HRH3: variants seen among roughly 807,000 people sequenced by gnomAD.
HRH3 encodes histamine H3 receptor.
Under a neutral mutation model 21.6 loss-of-function variants are expected in HRH3, and 13 were observed. That is an observed-to-expected ratio of 0.60 (90% CI 0.39 to 0.96). HRH3 has a LOEUF of 0.96. Ranked by LOEUF, HRH3 falls within the 40% of genes least tolerant of loss-of-function variation. HRH3 has a pLI of 0.00. For missense variants in HRH3, 461 were observed against 622.7 expected, an observed-to-expected ratio of 0.74 and a Z score of 2.76; for synonymous variants, 276 against 290.3, an observed-to-expected ratio of 0.95 and a Z score of 0.50.
Position 62,218,342 on chromosome 20 carries a change from C to T in HRH3, c.417+149G>A, listed in dbSNP as rs1978664434. 10 of 898,322 alleles carry T rather than the reference C, an allele frequency of 1.1e-5. No homozygotes were observed. Among genetic ancestry groups the T allele is most frequent in the African/African-American group, 1.7e-5 (1 of 59,688 alleles). 55.6% of individuals were successfully genotyped at this position (898,322 alleles called of 1,614,324 possible). On this transcript the variant is annotated intron_variant, in intron 2 of 2. Transcript: ENST00000340177. This position sits in a 1 kb window ranked among gnomAD's most constrained non-coding sequence, Gnocchi z 5.6. Reference sequence around the variant, plus strand: ...TGGCCCCGAGTGGGCAGCTGGCCGTCGAGTGGCCCATGTGTCAGCAGCAAA... The same window carrying T: ...TGGCCCCGAGTGGGCAGCTGGCCGTTGAGTGGCCCATGTGTCAGCAGCAAA...
rs76531044 is a variant in HRH3 at position 62,218,912 on chromosome 20, A to G, written c.251-255T>C. Among the ~76,000 whole-genome samples, 3,107 of 148,114 alleles carry G rather than the reference A, an allele frequency of 0.021. 128 individuals carry two copies. Among genetic ancestry groups the G allele is most frequent in the African/African-American group, 0.074 (2,982 of 40,092 alleles). On this transcript the variant is annotated intron_variant, in intron 1 of 2. Coordinates refer to ENST00000340177, the MANE Select transcript of HRH3 (RefSeq NM_007232.3). The surrounding 1 kb of genome is among the most constrained non-coding windows in gnomAD (Gnocchi z 5.6). Reference sequence around the variant, plus strand: ...AGGAGGGATGATCCAGGCATGGGGAACTCTGGCCACCACAAGACCCCCGAG... The same window carrying G: ...AGGAGGGATGATCCAGGCATGGGGAGCTCTGGCCACCACAAGACCCCCGAG...
Position 62,216,488 on chromosome 20 carries a change from C to A in HRH3, c.856G>T (p.Ala286Ser). 1 of 1,570,172 alleles carries A rather than the reference C, an allele frequency of 6.4e-7. No homozygotes were observed. Among genetic ancestry groups the A allele is most frequent in the East Asian group, 2.3e-5 (1 of 42,932 alleles). Residue 286 changes from alanine (A) to serine (S), a missense_variant, in exon 3 of 3, where the codon GCC becomes TCC. Physicochemically the swap from Ala to Ser is moderately conservative, Grantham distance 99 (BLOSUM62 1). Transcript: ENST00000340177. Reference protein sequence around the residue: ...GVGEAAVGAEAGEATLGGGGG... With the variant: ...GVGEAAVGAESGEATLGGGGG... ...CCACCCCCGAGGGTCGCCTCCCCGG[C>A]CTCAGCGCCTACGGCCGCCTCACCC... is the stretch of plus-strand genomic sequence containing the variant.
At chr20:62,217,409 G>A (rs1978622061) in intron 2 of HRH3, among the ~76,000 whole-genome samples, 1 of 152,230 alleles carries the variant, frequency 6.6e-6, no homozygotes, top group Non-Finnish European at 1.5e-5. Flanking sequence ...GGAGCTGGAG[G>A]TGCAGGGGTG....
rs1486550511 is a variant in HRH3, at chr20:62,219,532, C to A, written c.250+189G>T. 6.6e-6 allele frequency among the ~76,000 whole-genome samples: 1 copy of A among 152,274 alleles called. No homozygotes were observed. The highest frequency in any genetic ancestry group is 2.1e-4 in the South Asian group (1 of 4,826). On this transcript the variant is annotated intron_variant, in intron 1 of 2. Coordinates refer to ENST00000340177, the MANE Select transcript of HRH3 (RefSeq NM_007232.3). The surrounding 1 kb of genome is among the most constrained non-coding windows in gnomAD (Gnocchi z 8.7). ...GGACATCTCTCCCCAGCCCCTGTCC[C>A]GAGGCCTGAGTGGCAAGGAACTTCG... is the stretch of plus-strand genomic sequence containing the variant.
chr20:62,215,526 AT>A lies in HRH3; in HGVS notation c.*479del. ...GGTGAAAGGGCCAGGCCTGAGGCTT[AT>A]GCAAGAGACAGAAGGCAGCAAAGGC... On this transcript the variant is annotated 3_prime_UTR_variant, in exon 3 of 3. Coordinates refer to ENST00000340177, the MANE Select transcript of HRH3 (RefSeq NM_007232.3). 4.4e-6 allele frequency: 2 copies of A among 452,940 alleles called. No individual in the cohort carries two copies. The highest frequency in any genetic ancestry group is 3.1e-5 in the South Asian group (2 of 64,102). 28.1% of individuals were successfully genotyped at this position (452,940 alleles called of 1,614,324 possible). A position where few individuals can be genotyped will look rare whatever the true frequency, so the allele number is the denominator to read the frequency against.
chr20:62,218,340 G>T lies in HRH3; in HGVS notation c.417+151C>A. 1.1e-6 allele frequency: 1 copy of T among 887,100 alleles called. No homozygotes were observed. Among genetic ancestry groups the T allele is most frequent in the Non-Finnish European group, 1.7e-6 (1 of 593,928 alleles). The allele number at this position is 887,100 out of a possible 1,614,324, so 55.0% of individuals were successfully genotyped here. On this transcript the variant is annotated intron_variant, in intron 2 of 2. Coordinates refer to ENST00000340177, the MANE Select transcript of HRH3 (RefSeq NM_007232.3). This position sits in a 1 kb window ranked among gnomAD's most constrained non-coding sequence, Gnocchi z 5.6. ...CATGGCCCCGAGTGGGCAGCTGGCC[G>T]TCGAGTGGCCCATGTGTCAGCAGCA...
Position 62,215,064 on chromosome 20 carries a change from G to C in HRH3, c.*942C>G. ...GCAGAGCGCGTGGCACGGGTGCACA[G>C]CACATGGCGAAGCGGCCCCTGCCCG... On this transcript the variant is annotated 3_prime_UTR_variant, in exon 3 of 3. Coordinates refer to ENST00000340177, the MANE Select transcript of HRH3 (RefSeq NM_007232.3). 3.0e-6 allele frequency: 1 copy of C among 330,608 alleles called. No individual in the cohort carries two copies. The highest frequency in any genetic ancestry group is 2.5e-5 in the South Asian group (1 of 40,392). 20.5% of individuals were successfully genotyped at this position (330,608 alleles called of 1,614,324 possible).
chr20:62,218,638 C>T lies in HRH3; in HGVS notation c.270G>A (p.Leu90=). The T allele has an allele frequency of 6.2e-7, 1 of 1,612,034 alleles. No homozygotes were observed. The highest frequency in any genetic ancestry group is 8.5e-7 in the Non-Finnish European group (1 of 1,179,828). The stretch of plus-strand genomic sequence containing the variant: ...GGCCTGTCAGCACGTAGGGTACATA[C>T]AGTGGGATGCAGAAGGCGCCTGTGG... ...DFLVGAFCIP[L]YVPYVLTGRW... is the part of the protein sequence containing the mutation. The change falls in exon 2 of 3, where the codon CTG becomes CTA. Residue 90 remains leucine (L), a synonymous_variant. Coordinates refer to ENST00000340177, the MANE Select transcript of HRH3 (RefSeq NM_007232.3). This position sits in a 1 kb window ranked among gnomAD's most constrained non-coding sequence, Gnocchi z 5.6.
rs776803686 is a variant in HRH3 at position 62,216,485 on chromosome 20, C to T, written c.859G>A (p.Gly287Arg). ...CCGCCACCCCCGAGGGTCGCCTCCCCGGCCTCAGCGCCTACGGCCGCCTCA... is the reference window on the plus strand; with the variant it reads ...CCGCCACCCCCGAGGGTCGCCTCCCTGGCCTCAGCGCCTACGGCCGCCTCA... ...VGEAAVGAEA[G>R]EATLGGGGGG... Residue 287 changes from glycine to arginine, a missense_variant, in exon 3 of 3, where the codon GGG (glycine) becomes AGG (arginine). Gly to Arg is a moderately radical substitution (Grantham distance 125). Around this residue, in one of 6 missense-constraint regions of HRH3, gnomAD observed 163 missense variants for 139.4 expected, o/e 1.17. Transcript: ENST00000340177. The T allele has an allele frequency of 1.7e-5, 26 of 1,566,120 alleles. 1 individual carries two copies. In the South Asian group the frequency reaches 1.9e-4, roughly 11 times the overall value.
chr20:62,217,515 G>A (rs1166313300), intron 2 of HRH3, among the ~76,000 whole-genome samples: 2 of 152,248 alleles, frequency 1.3e-5, no homozygotes, highest in Non-Finnish European at 2.9e-5. Flanking sequence ...GAAGAAGAGG[G>A]AGAGAGGGCA....
Position 62,215,817 on chromosome 20 carries a change from G to A in HRH3, c.*189C>T. ...GGCCACCCAGCCTCCAGTCCAGCCA[G>A]TGAGGGGCCCTCTGGCCAACCCAGG... On this transcript the variant is annotated 3_prime_UTR_variant, in exon 3 of 3. Coordinates refer to ENST00000340177, the MANE Select transcript of HRH3 (RefSeq NM_007232.3). 1.6e-6 allele frequency: 1 copy of A among 622,874 alleles called. No individual in the cohort carries two copies. The highest frequency in any genetic ancestry group is 2.8e-6 in the Non-Finnish European group (1 of 361,544). The allele number at this position is 622,874 out of a possible 1,614,324, so 38.6% of individuals were successfully genotyped here. A position where few individuals can be genotyped will look rare whatever the true frequency, so the allele number is the denominator to read the frequency against.
At position 62,218,759 on chromosome 20, in the gene HRH3, CT is replaced by C; in HGVS notation, c.251-103del. 8.7e-7 allele frequency: 1 copy of C among 1,151,872 alleles called. No individual in the cohort carries two copies. Among genetic ancestry groups the C allele is most frequent in the Non-Finnish European group, 1.2e-6 (1 of 820,528 alleles). The allele number at this position is 1,151,872 out of a possible 1,614,324, so 71.4% of individuals were successfully genotyped here. A position where few individuals can be genotyped will look rare whatever the true frequency, so the allele number is the denominator to read the frequency against. ...GGGACCTGGGGTCACATGGTGGCTGCTTTTCTGGAACTAGCCATCCTCATCT... is the reference window on the plus strand; with the variant it reads ...GGGACCTGGGGTCACATGGTGGCTGCTTTCTGGAACTAGCCATCCTCATCT... On this transcript the variant is annotated intron_variant, in intron 1 of 2. Coordinates refer to ENST00000340177, the MANE Select transcript of HRH3 (RefSeq NM_007232.3). This position sits in a 1 kb window ranked among gnomAD's most constrained non-coding sequence, Gnocchi z 5.6.
chr20:62,216,658 G>A lies in HRH3; in HGVS notation c.686C>T (p.Thr229Ile), dbSNP rs1192213834. 1.2e-6 allele frequency: 2 copies of A among 1,612,838 alleles called. No homozygotes were observed. Among genetic ancestry groups the A allele is most frequent in the South Asian group, 1.1e-5 (1 of 91,088 alleles). ...LSIYLNIQRR[T>I]RLRLDGAREA... ...TCGAGCCCCATCCAGCCGGAGGCGG[G>A]TGCGCCTCTGGATGTTCAGGTAGAT... The change falls in exon 3 of 3, where the codon ACC becomes ATC. Residue 229 changes from threonine (T) to isoleucine (I), a missense_variant. By Grantham distance (89) the Thr-to-Ile change is moderately conservative (BLOSUM62 -1). Coordinates refer to ENST00000340177, the MANE Select transcript of HRH3 (RefSeq NM_007232.3).
rs201147707 is a variant in HRH3, at chr20:62,216,579, C to A, written c.765G>T (p.Pro255=). 3 of 1,605,924 alleles carry A rather than the reference C, an allele frequency of 1.9e-6. No homozygotes were observed. The highest frequency in any genetic ancestry group is 2.2e-5 in the East Asian group (1 of 44,600). Residue 255 remains proline (P), a synonymous_variant, in exon 3 of 3, where the codon CCG becomes CCT. Coordinates refer to ENST00000340177, the MANE Select transcript of HRH3 (RefSeq NM_007232.3). ...PPEAQPSPPP[P]PGCWGCWQKG... ...TCTGCCAGCAGCCCCAGCAGCCAGG[C>A]GGTGGGGGTGGTGAGGGCTGGGCCT...
Position 62,215,397 on chromosome 20 carries a change from C to T in HRH3, c.*609G>A, listed in dbSNP as rs1309606856. 2.2e-6 allele frequency: 1 copy of T among 457,022 alleles called. No individual in the cohort carries two copies. The highest frequency in any genetic ancestry group is 1.5e-5 in the South Asian group (1 of 64,576). The allele number at this position is 457,022 out of a possible 1,614,324, so 28.3% of individuals were successfully genotyped here. A position where few individuals can be genotyped will look rare whatever the true frequency, so the allele number is the denominator to read the frequency against. ...ATCAAGTTCACAGACATGTTTTCTT[C>T]TTCATCTTTCTGAAAACACCCAGAA... On this transcript the variant is annotated 3_prime_UTR_variant, in exon 3 of 3. Transcript: ENST00000340177.
At position 62,215,400 on chromosome 20, in the gene HRH3, C is replaced by A. The variant is rs1318330997; in HGVS notation, c.*606G>T. On this transcript the variant is annotated 3_prime_UTR_variant, in exon 3 of 3. Coordinates refer to ENST00000340177, the MANE Select transcript of HRH3 (RefSeq NM_007232.3). ...AAGTTCACAGACATGTTTTCTTCTT[C>A]ATCTTTCTGAAAACACCCAGAATGG... 4.4e-6 allele frequency: 2 copies of A among 457,020 alleles called. No individual in the cohort carries two copies. Among genetic ancestry groups the A allele is most frequent in the East Asian group, 6.9e-5 (1 of 14,400 alleles). The allele number at this position is 457,020 out of a possible 1,614,324, so 28.3% of individuals were successfully genotyped here.
intron 2 of HRH3, among the ~76,000 whole-genome samples, chr20:62,217,239 C>T (rs1239860025): frequency 6.6e-6 from 1 of 152,206 alleles, no homozygotes; most frequent in Non-Finnish European, 1.5e-5. Context: ...CTGTCCTTGG[C>T]CCCTGCACCC....
rs758712164 is a variant in HRH3, at chr20:62,216,888, T to C, written c.456A>G (p.Ala152=). 6.3e-5 allele frequency: 101 copies of C among 1,610,004 alleles called. No homozygotes were observed. The highest frequency in any genetic ancestry group is 8.4e-5 in the Non-Finnish European group (99 of 1,178,152). Residue 152 remains alanine (A), a synonymous_variant, in exon 3 of 3, where the codon GCA becomes GCG. Transcript: ENST00000340177. ...CCCACACCAGCAGCATCTTCCGCAC[T>C]GCCCGCCGCGTGTCACCCTGCTGGG... ...YRAQQGDTRR[A]VRKMLLVWVL...
At position 62,216,588 on chromosome 20, in the gene HRH3, T is replaced by C; in HGVS notation, c.756A>G (p.Pro252=). 1 of 1,604,796 alleles carries C rather than the reference T, an allele frequency of 6.2e-7. No homozygotes were observed. The change falls in exon 3 of 3, where the codon CCA becomes CCG. Residue 252 remains proline, a synonymous_variant. Coordinates refer to ENST00000340177, the MANE Select transcript of HRH3 (RefSeq NM_007232.3). Reference sequence around the variant, plus strand: ...AGCCCCAGCAGCCAGGCGGTGGGGGTGGTGAGGGCTGGGCCTCGGGAGGGG... The same window carrying C: ...AGCCCCAGCAGCCAGGCGGTGGGGGCGGTGAGGGCTGGGCCTCGGGAGGGG... ...PEPPPEAQPS[P]PPPPGCWGCW... is the part of the protein sequence containing the mutation.
Sources: allele counts gnomAD v4.1 joint callset (sites outside exome capture counted in the v4.1 genomes callset), GRCh38; gene constraint gnomAD v4.1.1; regional missense constraint gnomAD v4.1.1; non-coding constraint Gnocchi (gnomAD v3.1); transcripts MANE v1.5; gene names NCBI Gene and HGNC (gene_info 2026-07-23, HGNC 2026-07-21).